CBLB: variants seen among roughly 807,000 people sequenced by gnomAD.
CBLB encodes Cbl proto-oncogene B, also known as E3 ubiquitin-protein ligase CBL-B.
Under a neutral mutation model 104.9 loss-of-function variants are expected in CBLB, and 31 were observed. The observed-to-expected ratio is 0.30, with a 90% CI of 0.22 to 0.40. The LOEUF is 0.40. Among genes scored for constraint, CBLB ranks in the 10% least tolerant of loss-of-function variants. The probability of loss-of-function intolerance (pLI) is 1.00; values close to 1 mark genes in which losing one functional copy is unlikely to be tolerated. For missense variants in CBLB, 1,062 were observed against 1,214.6 expected, an observed-to-expected ratio of 0.87 and a Z score of 1.87; for synonymous variants, 440 against 422.6, an observed-to-expected ratio of 1.04 and a Z score of -0.51.
intron 10 of CBLB, among the ~76,000 whole-genome samples, chr3:105,708,178 C>G (rs988943596): frequency 6.6e-6 from 1 of 152,058 alleles, no homozygotes; most frequent in African/African-American, 2.4e-5. Context: ...TCAAATCACC[C>G]AGGCCATTTA....
intron 6 of CBLB, among the ~76,000 whole-genome samples, chr3:105,744,212 A>G (rs1178066579): frequency 6.6e-6 from 1 of 152,136 alleles, no homozygotes; most frequent in Non-Finnish European, 1.5e-5. Flanking sequence ...CAGTTCCCTC[A>G]TTATTTCTAT....
At chr3:105,848,965 T>C (rs1324212193) in intron 3 of CBLB, among the ~76,000 whole-genome samples, 1 of 152,168 alleles carries the variant, frequency 6.6e-6, no homozygotes, top group Non-Finnish European at 1.5e-5. Context: ...TTTTAGGTTC[T>C]GATTGGTAAT....
At chr3:105,794,163 T>C (rs72995701) in intron 3 of CBLB, among the ~76,000 whole-genome samples, 2,656 of 152,318 alleles carry the variant, frequency 0.017, 70 homozygotes, top group African/African-American at 0.06. Flanking sequence ...TCAAATTACT[T>C]AACAGTAAGT....
At chr3:105,698,239 G>A (rs2068637469) in intron 12 of CBLB, among the ~76,000 whole-genome samples, 1 of 152,028 alleles carries the variant, frequency 6.6e-6, no homozygotes, top group Admixed American at 6.6e-5. Flanking sequence ...CTATGAGCTA[G>A]AATAATTTTT....
chr3:105,834,234 GT>G (rs2088062834), intron 3 of CBLB, among the ~76,000 whole-genome samples: 1 of 151,860 alleles, frequency 6.6e-6, no homozygotes, highest in Non-Finnish European at 1.5e-5. Context: ...GTTCTCACCA[GT>G]TAAAAAAGAA....
intron 3 of CBLB, among the ~76,000 whole-genome samples, chr3:105,823,170 A>G (rs557645043): frequency 6.6e-6 from 1 of 152,312 alleles, no homozygotes; most frequent in African/African-American, 2.4e-5. Flanking sequence ...TGTCTCTGAC[A>G]TTCTTCCTGC....
At chr3:105,865,949 T>C (rs765067037) in intron 2 of CBLB, among the ~76,000 whole-genome samples, 16 of 152,224 alleles carry the variant, frequency 1.1e-4, no homozygotes, top group Non-Finnish European at 1.9e-4. Flanking sequence ...TAGGCAGCAT[T>C]GTGCTTGACA....
At position 105,678,532 on chromosome 3, in the gene CBLB, G is replaced by A; in HGVS notation, c.2468C>T (p.Pro823Leu). The A allele has an allele frequency of 1.2e-6, 2 of 1,613,948 alleles. No homozygotes were observed. The highest frequency in any genetic ancestry group is 1.7e-6 in the Non-Finnish European group (2 of 1,179,886). ...ACTATGCCTTGCAGGAGGTGGGGGA[G>A]GTGGGAGAGATGGAGGGAGGGCATC... ...AFDALPPSLP[P>L]PPPPARHSLI... Residue 823 changes from proline (P) to leucine (L), a missense_variant, in exon 17 of 19, where the codon CCT (proline) becomes CTT (leucine). Pro to Leu is a moderately conservative substitution (Grantham distance 98). Around this residue, in one of 2 missense-constraint regions of CBLB, gnomAD observed 605 missense variants for 582.6 expected, o/e 1.04. Transcript: ENST00000394030.
rs147156324 is a variant in CBLB at position 105,861,684 on chromosome 3, TAC to T, written c.168+5724_168+5725del. ...ACCTCTCCTATGGTGTGTGCACACA[TAC>T]ACACACACACACACACACACATACA... On this transcript the variant is annotated intron_variant, in intron 2 of 18. Coordinates refer to ENST00000394030, the MANE Select transcript of CBLB (RefSeq NM_170662.5). 7.9e-3 allele frequency among the ~76,000 whole-genome samples: 1,145 copies of T among 144,506 alleles called. 5 individuals are homozygous for T. Among genetic ancestry groups the T allele is most frequent in the Non-Finnish European group, 0.013 (861 of 65,410 alleles). The allele number at this position is 144,506 out of a possible 152,430, so 94.8% of individuals were successfully genotyped here.
intron 3 of CBLB, among the ~76,000 whole-genome samples, chr3:105,815,378 A>C (rs2084903205): frequency 6.6e-6 from 1 of 152,206 alleles, no homozygotes; most frequent in Non-Finnish European, 1.5e-5. Flanking sequence ...AAAGGCTGTT[A>C]ATGGCTTTAT....
chr3:105,717,809 A>G (rs1302447768), intron 10 of CBLB, among the ~76,000 whole-genome samples: 1 of 152,184 alleles, frequency 6.6e-6, no homozygotes, highest in Non-Finnish European at 1.5e-5. Flanking sequence ...CAGATTATGG[A>G]GTATATCCTA....
intron 3 of CBLB, among the ~76,000 whole-genome samples, chr3:105,780,658 TTG>T (rs1441555117): frequency 2.6e-4 from 25 of 97,128 alleles, no homozygotes; most frequent in Admixed American, 1.1e-3. Flanking sequence ...GTTTTGTTTT[TTG>T]TTTTTTTTTT....
intron 5 of CBLB, among the ~76,000 whole-genome samples, chr3:105,746,644 GA>G (rs1204801003): frequency 1.3e-5 from 2 of 152,134 alleles, no homozygotes; most frequent in African/African-American, 4.8e-5. Flanking sequence ...AGCCTTCTCT[GA>G]CCAGTGTATT....
chr3:105,742,490 C>G (rs575378192), intron 6 of CBLB, among the ~76,000 whole-genome samples: 1 of 151,654 alleles, frequency 6.6e-6, no homozygotes, highest in South Asian at 2.1e-4. Context: ...AAACATATAT[C>G]CCTAGAGAAA....
intron 11 of CBLB, 86 bp downstream of exon 11, chr3:105,703,901 AT>A (rs1418141079): frequency 1.6e-6 from 2 of 1,262,812 alleles, no homozygotes; most frequent in East Asian, 2.4e-5. Flanking sequence ...AAGCAAAAAA[AT>A]ATGAGTAATG....
At chr3:105,735,668 T>C (rs1305745548) in intron 8 of CBLB, among the ~76,000 whole-genome samples, 1 of 152,172 alleles carries the variant, frequency 6.6e-6, no homozygotes, top group Admixed American at 6.5e-5. Context: ...ATGGCAATCA[T>C]GGCCGGGCAT....
chr3:105,756,448 A>C (rs1479940379), intron 4 of CBLB, among the ~76,000 whole-genome samples: 5 of 152,164 alleles, frequency 3.3e-5, no homozygotes, highest in Non-Finnish European at 5.9e-5. Context: ...ATCAACATAC[A>C]CCCATACACA....
intron 18 of CBLB, among the ~76,000 whole-genome samples, chr3:105,663,237 C>T (rs1198595531): frequency 6.6e-6 from 1 of 152,158 alleles, no homozygotes; most frequent in Non-Finnish European, 1.5e-5. Context: ...ACCATCATTA[C>T]AAGACTGAAC....
At chr3:105,805,407 C>T (rs991409039) in intron 3 of CBLB, among the ~76,000 whole-genome samples, 7 of 151,434 alleles carry the variant, frequency 4.6e-5, no homozygotes, top group African/African-American at 1.5e-4. Context: ...CAGGTTCAAG[C>T]GATTCCTGTG....
Sources: allele counts gnomAD v4.1 joint callset (sites outside exome capture counted in the v4.1 genomes callset), GRCh38; gene constraint gnomAD v4.1.1; regional missense constraint gnomAD v4.1.1; transcripts MANE v1.5; gene names NCBI Gene and HGNC (gene_info 2026-07-23, HGNC 2026-07-21).